Variants in LHCGR observed in about 807,000 individuals in gnomAD.
LHCGR encodes lutropin-choriogonadotropic hormone receptor.
LHCGR carries 55 observed loss-of-function variants against 60.7 expected under a neutral mutation model. That is an observed-to-expected ratio of 0.91 (90% CI 0.73 to 1.13). LHCGR has a LOEUF of 1.13. Ranked by LOEUF, LHCGR falls within the 50% of genes most tolerant of loss-of-function variation. The pLI, the probability that LHCGR is intolerant of heterozygous loss-of-function variation, is 0.00. For synonymous variants in LHCGR, 337 were observed against 316.5 expected, an observed-to-expected ratio of 1.06 and a Z score of -0.69; for missense variants, 862 against 836.0, an observed-to-expected ratio of 1.03 and a Z score of -0.38.
intron 8 of LHCGR, among the ~76,000 whole-genome samples, chr2:48,708,012 C>G (rs1667780673): frequency 6.6e-6 from 1 of 152,216 alleles, no homozygotes; most frequent in Non-Finnish European, 1.5e-5. Context: ...CCTGCTTCAG[C>G]TGGCCCTCTG....
chr2:48,753,642 G>T (rs1670078864), intron 1 of LHCGR, among the ~76,000 whole-genome samples: 1 of 152,162 alleles, frequency 6.6e-6, no homozygotes. Context: ...ATTTACTTCA[G>T]CCTTTTCCAG....
intron 7 of LHCGR, among the ~76,000 whole-genome samples, chr2:48,709,748 A>G (rs1398736073): frequency 6.6e-6 from 1 of 152,184 alleles, no homozygotes; most frequent in Non-Finnish European, 1.5e-5. Flanking sequence ...GCTCAAAGTC[A>G]TTCAGGCTAA....
intron 7 of LHCGR, among the ~76,000 whole-genome samples, chr2:48,713,047 C>T (rs915497195): frequency 5.3e-5 from 8 of 152,180 alleles, no homozygotes; most frequent in Non-Finnish European, 1.2e-4. Flanking sequence ...ACAGCATCAG[C>T]ATCTCCTGAA....
In LHCGR at chr2:48,755,613, G is replaced by GACGGCT. The variant is rs1558913701; in HGVS notation, c.58_59insAGCCGT (p.Pro20delinsGlnProSer). ...CGCCTCGCGCAGCGCTCGTGGCAGC[G>GACGGCT]GCGGCTGCAGCAGCAGCAGCAGCTT... On this transcript the variant is annotated protein_altering_variant, in exon 1 of 11. Transcript: ENST00000294954. 7.1e-7 allele frequency: 1 copy of GACGGCT among 1,408,624 alleles called. No individual in the cohort carries two copies. Among genetic ancestry groups the GACGGCT allele is most frequent in the Non-Finnish European group, 9.7e-7 (1 of 1,032,450 alleles). The allele number at this position is 1,408,624 out of a possible 1,614,324, so 87.3% of individuals were successfully genotyped here.
chr2:48,725,327 C>G (rs1668669873), intron 4 of LHCGR, among the ~76,000 whole-genome samples: 1 of 152,192 alleles, frequency 6.6e-6, no homozygotes, highest in African/African-American at 2.4e-5. Flanking sequence ...CTCTCACTTT[C>G]ACCTACTCTC....
chr2:48,749,906 G>A (rs1669882666), intron 1 of LHCGR, among the ~76,000 whole-genome samples: 1 of 152,102 alleles, frequency 6.6e-6, no homozygotes, highest in African/African-American at 2.4e-5. Context: ...CCCCAGCAGA[G>A]TGATTTTTAA....
intron 9 of LHCGR, among the ~76,000 whole-genome samples, chr2:48,697,310 C>A (rs895676351): frequency 6.6e-6 from 1 of 152,230 alleles, no homozygotes; most frequent in Non-Finnish European, 1.5e-5. Flanking sequence ...TTAACAAACT[C>A]TTGTTCAGTG....
At chr2:48,751,262 T>A (rs78851817) in intron 1 of LHCGR, among the ~76,000 whole-genome samples, 1 of 151,042 alleles carries the variant, frequency 6.6e-6, no homozygotes, top group Non-Finnish European at 1.5e-5. Flanking sequence ...GATTTTTTTT[T>A]CTTTTTGCAC....
intron 7 of LHCGR, among the ~76,000 whole-genome samples, chr2:48,713,239 T>C (rs1326847493): frequency 1.3e-5 from 2 of 152,198 alleles, no homozygotes; most frequent in African/African-American, 2.4e-5. Flanking sequence ...GCCTTTTTTG[T>C]TTATTTTCCA....
chr2:48,736,108 T>C (rs1290337306), intron 1 of LHCGR, among the ~76,000 whole-genome samples: 1 of 152,194 alleles, frequency 6.6e-6, no homozygotes, highest in Non-Finnish European at 1.5e-5. Flanking sequence ...CTGTACAGCC[T>C]GCAGAACTGT....
In LHCGR at chr2:48,687,441, A is replaced by G. The variant is rs916659334; in HGVS notation, c.*256T>C. 1 of 403,774 alleles carries G rather than the reference A, an allele frequency of 2.5e-6. No homozygotes were observed. The allele number at this position is 403,774 out of a possible 1,614,324, so 25.0% of individuals were successfully genotyped here. ...TTTTTTAAAAGATTCATCAAACAAA[A>G]TTACTGTGTCAAAATTTCTATAAAA... On this transcript the variant is annotated 3_prime_UTR_variant, in exon 11 of 11. Coordinates refer to ENST00000294954, the MANE Select transcript of LHCGR (RefSeq NM_000233.4).
chr2:48,708,486 G>A (rs1011883618), intron 8 of LHCGR, among the ~76,000 whole-genome samples: 1 of 151,810 alleles, frequency 6.6e-6, no homozygotes, highest in Admixed American at 6.6e-5. Context: ...AGTTTATTAG[G>A]GTGGGCTCTA....
chr2:48,698,842 T>C (rs753623118), intron 8 of LHCGR, 42 bp from the exon 9 acceptor site: 1 of 1,445,534 alleles, frequency 6.9e-7, no homozygotes, highest in East Asian at 2.6e-5. Flanking sequence ...TTATTTATTT[T>C]ATACATTTTT....
intron 3 of LHCGR, among the ~76,000 whole-genome samples, chr2:48,726,562 C>T (rs1000281631): frequency 6.6e-6 from 1 of 152,200 alleles, no homozygotes; most frequent in Non-Finnish European, 1.5e-5. Flanking sequence ...TAAGTCCTGT[C>T]TACTTTGTAT....
intron 8 of LHCGR, among the ~76,000 whole-genome samples, chr2:48,705,156 T>A (rs1283911724): frequency 6.6e-6 from 1 of 152,232 alleles, no homozygotes; most frequent in East Asian, 1.9e-4. Flanking sequence ...TACCCAGTAG[T>A]CATTCAGGAG....
chr2:48,706,941 G>C (rs1667712896), intron 8 of LHCGR, among the ~76,000 whole-genome samples: 1 of 152,174 alleles, frequency 6.6e-6, no homozygotes, highest in Admixed American at 6.5e-5. Context: ...TTGCTGGTGA[G>C]GAGTGGTGAT....
intron 4 of LHCGR, 60 bp downstream of exon 4, chr2:48,725,616 T>C: frequency 8.5e-7 from 1 of 1,175,912 alleles, no homozygotes; most frequent in Non-Finnish European, 1.3e-6. Context: ...TTCCTTGTTT[T>C]GATTTTCATC....
intron 1 of LHCGR, among the ~76,000 whole-genome samples, chr2:48,754,412 T>C (rs1670113069): frequency 6.6e-6 from 1 of 152,188 alleles, no homozygotes; most frequent in East Asian, 1.9e-4. Flanking sequence ...TCAAGACCTC[T>C]ACCAGCCTTT....
intron 7 of LHCGR, among the ~76,000 whole-genome samples, chr2:48,710,901 C>T (rs188341545): frequency 6.6e-6 from 1 of 152,318 alleles, no homozygotes; most frequent in East Asian, 1.9e-4. Flanking sequence ...TCCTCCCCTG[C>T]TACTTAAACT....
Sources: allele counts gnomAD v4.1 joint callset (sites outside exome capture counted in the v4.1 genomes callset), GRCh38; gene constraint gnomAD v4.1.1; transcripts MANE v1.5; gene names NCBI Gene and HGNC (gene_info 2026-07-23, HGNC 2026-07-21).